The following KIF18A variants were observed in gnomAD, a reference collection of about 807,000 sequenced individuals.
KIF18A encodes kinesin family member 18A.
KIF18A carries 67 observed loss-of-function variants against 103.3 expected under a neutral mutation model. The observed-to-expected ratio is 0.65, with a 90% CI of 0.53 to 0.79. The LOEUF is 0.79. Among genes scored for constraint, KIF18A ranks in the 30% least tolerant of loss-of-function variants. The pLI is 0.00. For missense variants in KIF18A, 1,032 were observed against 1,062.5 expected (o/e 0.97, Z 0.40); for synonymous variants, 367 against 355.5 (o/e 1.03, Z -0.36).
At chr11:28,034,546 A>G (rs1850456594) in intron 15 of KIF18A, among the ~76,000 whole-genome samples, 1 of 151,702 alleles carries the variant, frequency 6.6e-6, no homozygotes. Context: ...TCATAAGAAC[A>G]TCAAAACTCT....
intron 13 of KIF18A, among the ~76,000 whole-genome samples, chr11:28,045,411 A>G (rs1850618791): frequency 6.6e-6 from 1 of 151,910 alleles, no homozygotes; most frequent in African/African-American, 2.4e-5. Context: ...GAAAAAAAAA[A>G]AGAGATGCTT....
At chr11:28,088,289 ATTC>A (rs1851257638) in intron 6 of KIF18A, among the ~76,000 whole-genome samples, 1 of 152,178 alleles carries the variant, frequency 6.6e-6, no homozygotes, top group African/African-American at 2.4e-5. Context: ...TCAATCTGGT[ATTC>A]ATTACTTTCT....
chr11:28,042,292 T>G (rs531516344), intron 13 of KIF18A, among the ~76,000 whole-genome samples: 3 of 151,830 alleles, frequency 2.0e-5, no homozygotes, highest in African/African-American at 7.2e-5. Flanking sequence ...TGGGTAAGAT[T>G]TAAGTTGGTA....
At chr11:28,073,272 C>T (rs1389820133) in intron 10 of KIF18A, among the ~76,000 whole-genome samples, 2 of 151,952 alleles carry the variant, frequency 1.3e-5, no homozygotes, top group Non-Finnish European at 2.9e-5. Context: ...CATTTCTACA[C>T]GTATTGTCCA....
chr11:28,106,086 G>A lies in KIF18A; in HGVS notation c.-47+1978C>T, dbSNP rs568276500. ...AGTACTATAATAAATTTAATTCATT[G>A]ATTGTATTCACTGATACGTTCATCA... On this transcript the variant is annotated intron_variant, in intron 1 of 16. Transcript: ENST00000263181. Among the ~76,000 whole-genome samples, 4 of 152,238 alleles carry A rather than the reference G, an allele frequency of 2.6e-5. 1 individual carries two copies. In the South Asian group the frequency reaches 8.3e-4, roughly 32 times the overall value.
Position 28,069,291 on chromosome 11 carries a change from C to T in KIF18A, c.1558G>A (p.Gly520Arg). The T allele has an allele frequency of 1.2e-6, 2 of 1,613,176 alleles. No homozygotes were observed. Among genetic ancestry groups the T allele is most frequent in the South Asian group, 2.2e-5 (2 of 91,048 alleles). ...NWLHRVEKEM[G>R]LLSQNGHIPK... The stretch of plus-strand genomic sequence containing the variant: ...ATATGACCGTTTTGACTTAAGAGTC[C>T]CATTTCTTTTTCGACACGATGGAGC... The change falls in exon 11 of 17, where the codon GGA becomes AGA. Residue 520 changes from glycine (G) to arginine (R), a missense_variant. Coordinates refer to ENST00000263181, the MANE Select transcript of KIF18A (RefSeq NM_031217.4).
chr11:28,021,162 G>A lies in KIF18A; in HGVS notation c.*38C>T. 1 of 1,453,582 alleles carries A rather than the reference G, an allele frequency of 6.9e-7. No individual in the cohort carries two copies. The highest frequency in any genetic ancestry group is 2.7e-5 in the East Asian group (1 of 36,564). 90.0% of individuals were successfully genotyped at this position (1,453,582 alleles called of 1,614,324 possible). On this transcript the variant is annotated 3_prime_UTR_variant, in exon 17 of 17. Coordinates refer to ENST00000263181, the MANE Select transcript of KIF18A (RefSeq NM_031217.4). ...GGGTATTGATAAACTTTGAAAAGCA[G>A]ATTTGATCAACTTCATTTTGCTTGG...
Position 28,105,540 on chromosome 11 carries a change from C to A in KIF18A, c.-47+2524G>T, listed in dbSNP as rs547029376. 6.6e-5 allele frequency among the ~76,000 whole-genome samples: 10 copies of A among 152,278 alleles called. No individual in the cohort carries two copies. The South Asian group carries it at 1.2e-3, about 19-fold the overall frequency. On this transcript the variant is annotated intron_variant, in intron 1 of 16. Coordinates refer to ENST00000263181, the MANE Select transcript of KIF18A (RefSeq NM_031217.4). Reference sequence around the variant, plus strand: ...TACGTCTATCACCATTGATGCTGTACATTAAATGCCATGAACTTATTTATC... The same window carrying A: ...TACGTCTATCACCATTGATGCTGTAAATTAAATGCCATGAACTTATTTATC...
intron 13 of KIF18A, among the ~76,000 whole-genome samples, chr11:28,047,250 T>C (rs1207948240): frequency 6.6e-6 from 1 of 151,938 alleles, no homozygotes; most frequent in Non-Finnish European, 1.5e-5. Flanking sequence ...TCCAAATAAT[T>C]TGAAACCAAA....
chr11:28,072,512 T>C (rs1367176488), intron 10 of KIF18A, among the ~76,000 whole-genome samples: 1 of 152,158 alleles, frequency 6.6e-6, no homozygotes, highest in African/African-American at 2.4e-5. Context: ...AAAAGCAGTT[T>C]ACTCATACTA....
rs566369534 is a variant in KIF18A at position 28,060,032 on chromosome 11, C to G, written c.1713-871G>C. On this transcript the variant is annotated intron_variant, in intron 12 of 16. Transcript: ENST00000263181. ...GATAAGGATGGGGAGTATAAATAATCGTTAGGGCACTGGATTCACGGCTTT... is the reference window on the plus strand; with the variant it reads ...GATAAGGATGGGGAGTATAAATAATGGTTAGGGCACTGGATTCACGGCTTT... Among the ~76,000 whole-genome samples, 7 of 152,152 alleles carry G rather than the reference C, an allele frequency of 4.6e-5. No homozygotes were observed. In the South Asian group the frequency reaches 8.3e-4, roughly 18 times the overall value.
intron 4 of KIF18A, among the ~76,000 whole-genome samples, 199 bp downstream of exon 4, chr11:28,091,210 T>G (rs1851299496): frequency 6.6e-6 from 1 of 151,920 alleles, no homozygotes; most frequent in African/African-American, 2.4e-5. Context: ...AAAAATAAAA[T>G]TTAAAAAATG....
rs1565091642 is a variant in KIF18A at position 28,096,880 on chromosome 11, CTCTT to C, written c.325+739_325+742del. 5.9e-5 allele frequency among the ~76,000 whole-genome samples: 6 copies of C among 101,182 alleles called. No homozygotes were observed. In the South Asian group the frequency reaches 1.3e-3, roughly 21 times the overall value. The allele number at this position is 101,182 out of a possible 152,430, so 66.4% of individuals were successfully genotyped here. ...ATCTTGGGTATCTCTCTCTCTCTCT[CTCTT>C]TTTTTTTTTTTAAAAAGGAAATCAA... On this transcript the variant is annotated intron_variant, in intron 2 of 16. Transcript: ENST00000263181.
At chr11:28,037,580 C>G (rs1446787344) in intron 13 of KIF18A, among the ~76,000 whole-genome samples, 2 of 151,296 alleles carry the variant, frequency 1.3e-5, no homozygotes, top group Non-Finnish European at 3.0e-5. Context: ...CTTGCCTGTC[C>G]CCAGGATATT....
chr11:28,037,149 T>A (rs1193606521), intron 13 of KIF18A, among the ~76,000 whole-genome samples: 5 of 151,588 alleles, frequency 3.3e-5, no homozygotes, highest in Non-Finnish European at 3.0e-5. Context: ...ATGAGTATAC[T>A]GGGTGATGCT....
At chr11:28,065,874 T>G (rs1297076268) in intron 11 of KIF18A, among the ~76,000 whole-genome samples, 2 of 152,036 alleles carry the variant, frequency 1.3e-5, no homozygotes, top group Non-Finnish European at 2.9e-5. Flanking sequence ...CATTTAAAAC[T>G]TATATACACA....
rs12277634 is a variant in KIF18A, at chr11:28,045,749, C to T, written c.1949-9085G>A. ...ATCTAAACACTAATGAATCAAGAAACAGCAGTATAGCATACTGTTTAGAAA... is the reference window on the plus strand; with the variant it reads ...ATCTAAACACTAATGAATCAAGAAATAGCAGTATAGCATACTGTTTAGAAA... On this transcript the variant is annotated intron_variant, in intron 13 of 16. Coordinates refer to ENST00000263181, the MANE Select transcript of KIF18A (RefSeq NM_031217.4). 7.3e-3 allele frequency among the ~76,000 whole-genome samples: 1,111 copies of T among 152,106 alleles called. 6 individuals carry two copies. Among genetic ancestry groups the T allele is most frequent in the African/African-American group, 0.025 (1,022 of 41,510 alleles).
At chr11:28,023,363 G>A (rs748257641) in intron 16 of KIF18A, among the ~76,000 whole-genome samples, 1 of 151,986 alleles carries the variant, frequency 6.6e-6, no homozygotes, top group African/African-American at 2.4e-5. Flanking sequence ...AAAATATTAC[G>A]CTAAGAGAAA....
chr11:28,068,892 C>A (rs1850972588), intron 11 of KIF18A, among the ~76,000 whole-genome samples: 1 of 152,094 alleles, frequency 6.6e-6, no homozygotes. Flanking sequence ...AACCTTTTGC[C>A]ATTCTAAGGT....
Sources: gnomAD v4.1 joint callset for allele counts (sites outside exome capture counted in the v4.1 genomes callset) on GRCh38, gnomAD v4.1.1 for gene constraint, MANE v1.5 for transcripts, NCBI Gene and HGNC (gene_info 2026-07-23, HGNC 2026-07-21) for gene names.